Variants in NLRP11 observed in about 807,000 individuals in gnomAD.
The protein encoded by NLRP11 is NACHT, LRR and PYD domains-containing protein 11.
Under a neutral mutation model 79.3 loss-of-function variants are expected in NLRP11, and 53 were observed. The ratio of observed to expected loss-of-function variants is 0.67; its 90% confidence interval spans 0.54 to 0.84. The LOEUF is 0.84. NLRP11 is among the 40% of genes least tolerant of loss of function. The probability of loss-of-function intolerance (pLI) is 0.00; values close to 1 mark genes in which losing one functional copy is unlikely to be tolerated. For synonymous variants in NLRP11, 518 were observed against 462.6 expected (o/e 1.12, Z -1.54); for missense variants, 1,264 against 1,255.0 (o/e 1.01, Z -0.11).
At chr19:55,795,948 T>A (rs1978803534) in intron 6 of NLRP11, 132 bp downstream of exon 6, 1 of 760,688 alleles carries the variant, frequency 1.3e-6, no homozygotes, top group Admixed American at 2.3e-5. Context: ...CCAGACCTAC[T>A]GAACTCCAAA....
chr19:55,805,150 C>T lies in NLRP11; in HGVS notation c.2003+2703G>A, dbSNP rs982322629. On this transcript the variant is annotated intron_variant, in intron 4 of 9. Coordinates refer to ENST00000589093, the Ensembl canonical transcript of NLRP11. ...CACCACCACCGGCCCTCACCCCCAACCCCGGAAGAACATTTCTCATTACTC... is the reference window on the plus strand; with the variant it reads ...CACCACCACCGGCCCTCACCCCCAATCCCGGAAGAACATTTCTCATTACTC... 9.2e-5 allele frequency among the ~76,000 whole-genome samples: 14 copies of T among 152,276 alleles called. No homozygotes were observed. The East Asian group carries it at 1.9e-3, about 21-fold the overall frequency.
intron 9 of NLRP11, among the ~76,000 whole-genome samples, chr19:55,786,455 AG>A (rs1989885155): frequency 6.6e-6 from 1 of 152,128 alleles, no homozygotes; most frequent in South Asian, 2.1e-4. Context: ...TGGGAGGTCA[AG>A]GCTGCAGTGA....
At chr19:55,801,613 A>G (rs1180078690) in exon 5 of NLRP11, 1 of 1,614,106 alleles carries the variant, frequency 6.2e-7, no homozygotes, top group Admixed American at 1.7e-5. Context: ...GCAGGATGTC[A>G]TGCAGAAGTG....
intron 6 of NLRP11, among the ~76,000 whole-genome samples, chr19:55,793,839 T>C (rs984125468): frequency 6.6e-6 from 1 of 152,196 alleles, no homozygotes; most frequent in Non-Finnish European, 1.5e-5. Flanking sequence ...TTTTAAATTA[T>C]ATGTACAAGT....
intron 9 of NLRP11, among the ~76,000 whole-genome samples, chr19:55,788,019 T>C (rs1172788421): frequency 1.3e-5 from 2 of 152,172 alleles, no homozygotes; most frequent in Non-Finnish European, 1.5e-5. Flanking sequence ...TAAGCTGGGA[T>C]TGGAGTCCTG....
At chr19:55,810,047 G>T in exon 3 of NLRP11, 1 of 1,614,114 alleles carries the variant, frequency 6.2e-7, no homozygotes, top group Non-Finnish European at 8.5e-7. Flanking sequence ...TATTTCGTGA[G>T]CAGTGAGGTG....
intron 5 of NLRP11, among the ~76,000 whole-genome samples, chr19:55,796,476 C>A (rs189212742): frequency 2.0e-5 from 3 of 152,244 alleles, no homozygotes; most frequent in African/African-American, 7.2e-5. Flanking sequence ...CAGTTCCTTC[C>A]TCTTTTGCAT....
At chr19:55,797,771 T>C (rs999367330) in intron 5 of NLRP11, among the ~76,000 whole-genome samples, 1 of 151,912 alleles carries the variant, frequency 6.6e-6, no homozygotes, top group Non-Finnish European at 1.5e-5. Flanking sequence ...TTAAATAAGG[T>C]AGAAGAATTT....
chr19:55,792,030 C>T (rs892057622), intron 7 of NLRP11, among the ~76,000 whole-genome samples: 1 of 86,978 alleles, frequency 1.1e-5, no homozygotes, highest in Non-Finnish European at 3.0e-5. Flanking sequence ...ATGCTATGTC[C>T]ACCCGGGGCA....
intron 2 of NLRP11, among the ~76,000 whole-genome samples, chr19:55,810,967 C>G: frequency 6.6e-6 from 1 of 152,236 alleles, no homozygotes; most frequent in Middle Eastern, 3.4e-3. Context: ...TTTAGGTAGC[C>G]TTCAATTATG....
intron 1 of NLRP11, among the ~76,000 whole-genome samples, chr19:55,830,048 A>G (rs1055045240): frequency 2.0e-5 from 3 of 152,178 alleles, no homozygotes; most frequent in African/African-American, 7.2e-5. Flanking sequence ...TCTCCAATAT[A>G]TTTATTTTTG....
Position 55,794,722 on chromosome 19 carries a change from C to T in NLRP11, c.2342+1358G>A, listed in dbSNP as rs148741323. 4.5e-3 allele frequency among the ~76,000 whole-genome samples: 676 copies of T among 151,638 alleles called. 4 individuals carry two copies. Among genetic ancestry groups the T allele is most frequent in the African/African-American group, 0.016 (645 of 41,346 alleles). On this transcript the variant is annotated intron_variant, in intron 6 of 9. Coordinates refer to ENST00000589093, the Ensembl canonical transcript of NLRP11. ...TTGCAGTGAGCCGAGATCGCGCCACCGCACTCCAGCCTGGGCAATACAGCG... is the reference window on the plus strand; with the variant it reads ...TTGCAGTGAGCCGAGATCGCGCCACTGCACTCCAGCCTGGGCAATACAGCG...
At chr19:55,805,153 C>T (rs73058169) in intron 4 of NLRP11, among the ~76,000 whole-genome samples, 18,260 of 152,100 alleles carry the variant, frequency 0.12, 1,167 homozygotes, top group East Asian at 0.18. Context: ...CCCCCAACCC[C>T]GGAAGAACAT....
At chr19:55,811,670 T>G (rs1193612466) in intron 2 of NLRP11, among the ~76,000 whole-genome samples, 2 of 151,962 alleles carry the variant, frequency 1.3e-5, no homozygotes, top group Non-Finnish European at 2.9e-5. Context: ...TCTATGACGT[T>G]TAGTATACAA....
chr19:55,830,766 G>A (rs1212559136), intron 1 of NLRP11, among the ~76,000 whole-genome samples: 4 of 152,078 alleles, frequency 2.6e-5, no homozygotes, highest in Non-Finnish European at 5.9e-5. Flanking sequence ...ACTATAAGGT[G>A]CCAACTGAAC....
exon 10 of NLRP11, chr19:55,785,493 T>A (rs2547294): frequency 0.053 from 22,650 of 423,538 alleles, 2,360 homozygotes; most frequent in Admixed American, 0.088. Context: ...TGGATCAAGG[T>A]CACACACACA....
chr19:55,830,341 T>G (rs1193717971), intron 1 of NLRP11, among the ~76,000 whole-genome samples: 1 of 152,202 alleles, frequency 6.6e-6, no homozygotes, highest in Non-Finnish European at 1.5e-5. Flanking sequence ...GTCAACTGTA[T>G]TTCTTTCTAG....
At chr19:55,828,799 A>G (rs1982469583) in intron 1 of NLRP11, among the ~76,000 whole-genome samples, 1 of 152,214 alleles carries the variant, frequency 6.6e-6, no homozygotes, top group African/African-American at 2.4e-5. Flanking sequence ...TTTTATACTT[A>G]TAGAATAAGG....
intron 1 of NLRP11, among the ~76,000 whole-genome samples, chr19:55,824,100 G>A (rs1181730753): frequency 8.7e-6 from 1 of 115,146 alleles, no homozygotes; most frequent in South Asian, 2.7e-4. Flanking sequence ...GAGAGTGGGG[G>A]CCAATATTCA....
Sources: allele counts gnomAD v4.1 joint callset (sites outside exome capture counted in the v4.1 genomes callset), GRCh38; gene constraint gnomAD v4.1.1; transcripts MANE v1.5; gene names NCBI Gene and HGNC (gene_info 2026-07-23, HGNC 2026-07-21).